The following ALPK2 variants were observed in gnomAD, a reference collection of about 807,000 sequenced individuals.
The protein encoded by ALPK2 is alpha kinase 2.
In ALPK2, 127 loss-of-function variants were observed where a neutral mutation model predicts 163.1. The ratio of observed to expected loss-of-function variants is 0.78; its 90% CI spans 0.67 to 0.90. The LOEUF is 0.90. ALPK2 is among the 40% of genes least tolerant of loss of function. The pLI is 0.00. For synonymous variants in ALPK2, 953 were observed against 959.1 expected, an observed-to-expected ratio of 0.99 and a Z score of 0.12; for missense variants, 2,360 against 2,589.6, an observed-to-expected ratio of 0.91 and a Z score of 1.92.
At chr18:58,567,240 C>T (rs1037299881) in intron 4 of ALPK2, among the ~76,000 whole-genome samples, 2 of 150,594 alleles carry the variant, frequency 1.3e-5, no homozygotes, top group African/African-American at 2.4e-5. Flanking sequence ...AAAAAAAGGC[C>T]GGGCGTGATG....
At chr18:58,526,574 C>G (rs2051586226) in intron 6 of ALPK2, among the ~76,000 whole-genome samples, 1 of 152,174 alleles carries the variant, frequency 6.6e-6, no homozygotes, top group Admixed American at 6.5e-5. Context: ...ACCTCTCTCC[C>G]CAGAGTGGAG....
intron 10 of ALPK2, among the ~76,000 whole-genome samples, chr18:58,510,728 T>C (rs2051485959): frequency 6.6e-6 from 1 of 152,244 alleles, no homozygotes. Context: ...TTTTTGCACA[T>C]TGATTTTGTA....
At chr18:58,611,852 G>C in intron 1 of ALPK2, 35 bp from the exon 2 acceptor site, 1 of 1,314,990 alleles carries the variant, frequency 7.6e-7, no homozygotes, top group Middle Eastern at 2.5e-4. Flanking sequence ...ATCACCATTT[G>C]TTCTGGGATT....
chr18:58,624,430 A>G (rs1402113431), intron 1 of ALPK2, among the ~76,000 whole-genome samples: 3 of 149,526 alleles, frequency 2.0e-5, no homozygotes, highest in East Asian at 4.0e-4. Context: ...TGATTTAGGT[A>G]GTTTGAGTTG....
At chr18:58,605,179 C>T (rs1265890359) in intron 3 of ALPK2, among the ~76,000 whole-genome samples, 2 of 152,044 alleles carry the variant, frequency 1.3e-5, no homozygotes, top group East Asian at 1.9e-4. Flanking sequence ...AACTATAGCC[C>T]GCAGGCCAAA....
rs1338288066 is a variant in ALPK2 at position 58,503,968 on chromosome 18, C to G, written c.6210G>C (p.Gln2070His). 5 of 1,614,064 alleles carry G rather than the reference C, an allele frequency of 3.1e-6. No homozygotes were observed. The highest frequency in any genetic ancestry group is 2.2e-5 in the East Asian group (1 of 44,882). The change falls in exon 11 of 13, where the codon CAG (glutamine) becomes CAC (histidine). Residue 2070 changes from glutamine (Q) to histidine (H), a missense_variant. Gln to His is a conservative substitution (Grantham distance 24, BLOSUM62 0). Transcript: ENST00000361673. The stretch of plus-strand genomic sequence containing the variant: ...TCACCAGGAGGCAGCCACTTGTTTT[C>G]TGGTACACCCAGTGCTGGAAGGTGC... ...KCCTFQHWVYQKTSGCLLVTD... is the reference protein window; with the variant it reads ...KCCTFQHWVYHKTSGCLLVTD...
Position 58,486,347 on chromosome 18 carries a change from C to T in ALPK2, c.6297-4308G>A, listed in dbSNP as rs571439715. 1.3e-4 allele frequency among the ~76,000 whole-genome samples: 20 copies of T among 152,292 alleles called. No individual in the cohort carries two copies. In the South Asian group the frequency reaches 3.5e-3, roughly 27 times the overall value. On this transcript the variant is annotated intron_variant, in intron 12 of 12. Transcript: ENST00000361673. ...AGCCCCAGCTCCAGTGGGCTCTCTCCGCACCATGAGAGGACATCTCTCCAA... is the reference window on the plus strand; with the variant it reads ...AGCCCCAGCTCCAGTGGGCTCTCTCTGCACCATGAGAGGACATCTCTCCAA...
At position 58,503,936 on chromosome 18, in the gene ALPK2, A is replaced by G. The variant is rs776752041; in HGVS notation, c.6242T>C (p.Met2081Thr). ...KTSGCLLVTD[M>T]QGVGMKLTDV... ...GGCTAAGCTGCTTTCCTCACCTTGCATGTCCGTCACCAGGAGGCAGCCACT... is the reference window on the plus strand; with the variant it reads ...GGCTAAGCTGCTTTCCTCACCTTGCGTGTCCGTCACCAGGAGGCAGCCACT... The change falls in exon 11 of 13, where the codon ATG (methionine) becomes ACG (threonine). Residue 2081 changes from methionine (M) to threonine (T), a missense_variant. By Grantham distance (81) the Met-to-Thr change is moderately conservative. Transcript: ENST00000361673. The G allele has an allele frequency of 5.6e-6, 9 of 1,612,662 alleles. No homozygotes were observed. Among genetic ancestry groups the G allele is most frequent in the Admixed American group, 1.7e-5 (1 of 59,914 alleles).
At chr18:58,529,502 T>C (rs1047180667) in intron 5 of ALPK2, among the ~76,000 whole-genome samples, 5 of 152,190 alleles carry the variant, frequency 3.3e-5, no homozygotes, top group South Asian at 2.1e-4. Context: ...ACTTGAGAGA[T>C]TTTTTCTAAA....
chr18:58,601,182 G>T (rs887801679), intron 3 of ALPK2, among the ~76,000 whole-genome samples: 3 of 152,066 alleles, frequency 2.0e-5, no homozygotes, highest in Admixed American at 2.0e-4. Flanking sequence ...CTTGAACCTG[G>T]GAGGTGGAGG....
intron 9 of ALPK2, 103 bp from the exon 10 acceptor site, chr18:58,515,184 T>A: frequency 1.2e-6 from 1 of 854,938 alleles, no homozygotes; most frequent in Non-Finnish European, 1.8e-6. Flanking sequence ...GTAAAGCCAA[T>A]GAACTGACAA....
Position 58,531,964 on chromosome 18 carries a change from AT to A in ALPK2, c.5354-2727del, listed in dbSNP as rs369755006. Among the ~76,000 whole-genome samples, 83 of 145,376 alleles carry A rather than the reference AT, an allele frequency of 5.7e-4. 2 individuals are homozygous for A. The highest frequency in any genetic ancestry group is 1.6e-3 in the African/African-American group (61 of 38,628). ...AAAAAAAAAAAAAAAAAAAAAAAAA[AT>A]AGGCTGTTGTCAAGGGCTGGCCCTC... On this transcript the variant is annotated intron_variant, in intron 5 of 12. Coordinates refer to ENST00000361673, the MANE Select transcript of ALPK2 (RefSeq NM_052947.4).
At chr18:58,584,677 G>A (rs1258357568) in intron 3 of ALPK2, among the ~76,000 whole-genome samples, 3 of 152,198 alleles carry the variant, frequency 2.0e-5, no homozygotes, top group South Asian at 4.1e-4. Flanking sequence ...TGAAGGAGAC[G>A]CCTGAAACAT....
intron 4 of ALPK2, among the ~76,000 whole-genome samples, chr18:58,551,687 A>G (rs1229792068): frequency 2.6e-5 from 4 of 152,138 alleles, no homozygotes; most frequent in African/African-American, 9.7e-5. Context: ...TTGAGAAGAG[A>G]AAGGTTTCAA....
At chr18:58,487,351 C>G (rs1040162942) in intron 12 of ALPK2, among the ~76,000 whole-genome samples, 12 of 152,080 alleles carry the variant, frequency 7.9e-5, no homozygotes, top group Admixed American at 2.0e-4. Context: ...GCCAGCAAAC[C>G]CGGAAGCCAG....
intron 3 of ALPK2, among the ~76,000 whole-genome samples, chr18:58,592,414 G>C (rs1329902018): frequency 6.6e-6 from 1 of 152,248 alleles, no homozygotes; most frequent in Non-Finnish European, 1.5e-5. Flanking sequence ...ATGAAGCCAG[G>C]AGCACAGAAC....
intron 3 of ALPK2, among the ~76,000 whole-genome samples, chr18:58,588,184 TA>T (rs1320702118): frequency 6.6e-6 from 1 of 152,208 alleles, no homozygotes; most frequent in Non-Finnish European, 1.5e-5. Flanking sequence ...CAAGATTTAA[TA>T]AAATTACCCC....
intron 2 of ALPK2, among the ~76,000 whole-genome samples, chr18:58,610,950 C>G (rs551110430): frequency 6.6e-6 from 1 of 151,918 alleles, no homozygotes; most frequent in Admixed American, 6.6e-5. Context: ...AAAAATTAGC[C>G]GGGTGTAGTG....
In ALPK2 at chr18:58,611,714, G is replaced by T. The variant is rs542206246; in HGVS notation, c.84C>A (p.Asp28Glu). 1 of 1,613,126 alleles carries T rather than the reference G, an allele frequency of 6.2e-7. No individual in the cohort carries two copies. The highest frequency in any genetic ancestry group is 2.2e-5 in the East Asian group (1 of 44,846). Residue 28 changes from aspartate to glutamate, a missense_variant, in exon 2 of 13, where the codon GAC (aspartate) becomes GAA (glutamate). Asp to Glu is a conservative substitution (Grantham distance 45). Coordinates refer to ENST00000361673, the MANE Select transcript of ALPK2 (RefSeq NM_052947.4). ...LLSQKVPEKS[D>E]AVLRCIISGQ... ...CAGATATTATGCAGCGAAGCACAGC[G>T]TCTGACTTCTCAGGAACCTTCTGGG... is the stretch of plus-strand genomic sequence containing the variant.
Sources: allele counts gnomAD v4.1 joint callset (sites outside exome capture counted in the v4.1 genomes callset), GRCh38; gene constraint gnomAD v4.1.1; transcripts MANE v1.5; gene names NCBI Gene and HGNC (gene_info 2026-07-23, HGNC 2026-07-21).